Variants in SLC9C2 observed in about 807,000 individuals in gnomAD.
The protein encoded by SLC9C2 is solute carrier family 9 member C2 (putative).
SLC9C2 carries 75 observed loss-of-function variants against 140.2 expected under a neutral mutation model. The ratio of observed to expected loss-of-function variants is 0.53; its 90% CI spans 0.44 to 0.65. The LOEUF is 0.65. SLC9C2 is among the 30% of genes least tolerant of loss of function. The pLI, the probability that SLC9C2 is intolerant of heterozygous loss-of-function variation, is 0.00. For synonymous variants in SLC9C2, 375 were observed against 420.9 expected (o/e 0.89, Z 1.34); for missense variants, 1,074 against 1,331.8 (o/e 0.81, Z 3.01).
At chr1:173,577,739 A>G (rs1665269729) in intron 7 of SLC9C2, among the ~76,000 whole-genome samples, 2 of 152,222 alleles carry the variant, frequency 1.3e-5, no homozygotes, top group African/African-American at 4.8e-5. Flanking sequence ...AAAGCAATGA[A>G]TAAGTGATAA....
In SLC9C2 at chr1:173,521,292, G is replaced by A; in HGVS notation, c.2739+9C>T. 2 of 1,330,896 alleles carry A rather than the reference G, an allele frequency of 1.5e-6. No homozygotes were observed. Among genetic ancestry groups the A allele is most frequent in the Non-Finnish European group, 2.0e-6 (2 of 975,684 alleles). The allele number at this position is 1,330,896 out of a possible 1,614,324, so 82.4% of individuals were successfully genotyped here. A position where few individuals can be genotyped will look rare whatever the true frequency, so the allele number is the denominator to read the frequency against. ...GTAAAAAAAAAAAAAAAAATCAATA[G>A]TCCCTTACAATTGCCATTCCTGAAA... On this transcript the variant is annotated intron_variant, in intron 22 of 27. Transcript: ENST00000367714.
intron 13 of SLC9C2, among the ~76,000 whole-genome samples, chr1:173,540,300 G>A (rs550208401): frequency 7.2e-5 from 11 of 152,292 alleles, no homozygotes; most frequent in African/African-American, 2.4e-4. Context: ...GATCCAAAGC[G>A]AGACCAACAA....
intron 6 of SLC9C2, among the ~76,000 whole-genome samples, chr1:173,582,261 G>A (rs1665587939): frequency 6.6e-6 from 1 of 152,148 alleles, no homozygotes; most frequent in Non-Finnish European, 1.5e-5. Flanking sequence ...CAGGAGAAAG[G>A]CAAGGAGAAT....
intron 26 of SLC9C2, 58 bp from the exon 27 acceptor site, chr1:173,503,384 A>G: frequency 6.8e-7 from 1 of 1,463,314 alleles, no homozygotes; most frequent in Non-Finnish European, 9.5e-7. Flanking sequence ...GAGTAAAGGC[A>G]ACCAGAAAAT....
intron 4 of SLC9C2, among the ~76,000 whole-genome samples, chr1:173,588,268 A>G (rs769344539): frequency 3.9e-5 from 6 of 152,210 alleles, no homozygotes; most frequent in Non-Finnish European, 8.8e-5. Context: ...TTGTAAAATA[A>G]GTAGTTCTGC....
At chr1:173,580,148 G>C (rs1404080164) in intron 7 of SLC9C2, among the ~76,000 whole-genome samples, 1 of 131,318 alleles carries the variant, frequency 7.6e-6, no homozygotes, top group Non-Finnish European at 1.6e-5. Context: ...CAGTGTTGCA[G>C]TGTCTTCCAA....
chr1:173,575,425 G>A (rs1488101449), intron 8 of SLC9C2, among the ~76,000 whole-genome samples: 4 of 152,182 alleles, frequency 2.6e-5, no homozygotes, highest in South Asian at 2.1e-4. Flanking sequence ...CTCAGGAAAC[G>A]GTCTAAATTG....
chr1:173,601,633 CA>C lies in SLC9C2; in HGVS notation c.127+16del. 6.2e-7 allele frequency: 1 copy of C among 1,611,368 alleles called. No individual in the cohort carries two copies. Among genetic ancestry groups the C allele is most frequent in the Non-Finnish European group, 8.5e-7 (1 of 1,178,650 alleles). On this transcript the variant is annotated intron_variant, in intron 2 of 27. Transcript: ENST00000367714. The stretch of plus-strand genomic sequence containing the variant: ...CACAGGGCAGAGGAAAGATGAGTTT[CA>C]AAAACAACCACCTACCTCCCAAAAC...
chr1:173,566,654 T>C (rs1351257010), intron 9 of SLC9C2, among the ~76,000 whole-genome samples: 2 of 151,998 alleles, frequency 1.3e-5, no homozygotes, highest in African/African-American at 4.8e-5. Context: ...TATTTCCTAT[T>C]TTTTTCATTT....
chr1:173,571,513 G>C (rs1664842392), intron 9 of SLC9C2: 1 of 152,046 alleles, frequency 6.6e-6, no homozygotes, highest in Non-Finnish European at 1.5e-5. Context: ...TTGCCCACTG[G>C]GTTGAATTGC....
At chr1:173,571,304 A>G (rs536968852) in intron 9 of SLC9C2, among the ~76,000 whole-genome samples, 3 of 151,920 alleles carry the variant, frequency 2.0e-5, no homozygotes, top group African/African-American at 7.3e-5. Flanking sequence ...ACTTTTTTTC[A>G]TACTTACCTA....
chr1:173,581,098 G>A (rs904988572), intron 7 of SLC9C2, among the ~76,000 whole-genome samples: 2 of 152,170 alleles, frequency 1.3e-5, no homozygotes, highest in African/African-American at 4.8e-5. Context: ...AAGAAGCAGC[G>A]CTTTTAGGTA....
intron 21 of SLC9C2, among the ~76,000 whole-genome samples, chr1:173,521,753 G>A (rs562372581): frequency 7.4e-4 from 112 of 151,390 alleles, no homozygotes; most frequent in Middle Eastern, 3.4e-3. Context: ...TTTTCAGCCC[G>A]TTTGAGGCTT....
At chr1:173,526,752 T>A (rs1364349392) in intron 18 of SLC9C2, 38 bp from the exon 19 acceptor site, 4 of 1,347,376 alleles carry the variant, frequency 3.0e-6, no homozygotes, top group Non-Finnish European at 3.0e-6. Flanking sequence ...TTCTTATTAT[T>A]CATATAGTTT....
chr1:173,558,585 A>G (rs547241585), intron 9 of SLC9C2, among the ~76,000 whole-genome samples: 2 of 152,316 alleles, frequency 1.3e-5, no homozygotes, highest in South Asian at 2.1e-4. Flanking sequence ...ACTTGCCTCA[A>G]AGGATTATTG....
chr1:173,540,037 G>C (rs1474629636), intron 13 of SLC9C2, among the ~76,000 whole-genome samples: 2 of 152,152 alleles, frequency 1.3e-5, no homozygotes, highest in Non-Finnish European at 2.9e-5. Context: ...AATAAAATGG[G>C]GGTAAAAGTG....
intron 9 of SLC9C2, among the ~76,000 whole-genome samples, chr1:173,568,410 CTAAGGA>C (rs1306586105): frequency 2.0e-5 from 3 of 152,054 alleles, no homozygotes; most frequent in African/African-American, 7.3e-5. Flanking sequence ...TGTTAGTTTG[CTAAGGA>C]TAATAACCTC....
intron 4 of SLC9C2, among the ~76,000 whole-genome samples, chr1:173,588,093 G>A (rs568408281): frequency 6.6e-6 from 1 of 152,088 alleles, no homozygotes; most frequent in Admixed American, 6.6e-5. Flanking sequence ...CAATATGAAA[G>A]GTTCTTAAAC....
chr1:173,557,160 A>G (rs1316785530), intron 10 of SLC9C2, among the ~76,000 whole-genome samples, 180 bp downstream of exon 10: 1 of 152,154 alleles, frequency 6.6e-6, no homozygotes, highest in African/African-American at 2.4e-5. Flanking sequence ...CTCCATGACT[A>G]TTGGTCCCTT....
Sources: gnomAD v4.1 joint callset for allele counts (sites outside exome capture counted in the v4.1 genomes callset) on GRCh38, gnomAD v4.1.1 for gene constraint, MANE v1.5 for transcripts, NCBI Gene and HGNC (gene_info 2026-07-23, HGNC 2026-07-21) for gene names.